Variants in CSMD1 observed in about 807,000 individuals in gnomAD.
The protein encoded by CSMD1 is CUB and Sushi multiple domains 1, also known as CUB and sushi domain-containing protein 1.
CSMD1 carries 213 observed loss-of-function variants against 417.5 expected under a neutral mutation model. The observed-to-expected ratio is 0.51, with a 90% confidence interval of 0.46 to 0.57. The LOEUF is 0.57. Ranked by LOEUF, CSMD1 falls within the 20% of genes least tolerant of loss-of-function variation. The pLI is 0.00. For synonymous variants in CSMD1, 2,862 were observed against 1,736.8 expected (o/e 1.65, Z -16.11); for missense variants, 6,923 against 4,529.7 (o/e 1.53, Z -15.17).
intron 1 of CSMD1, among the ~76,000 whole-genome samples, chr8:4,719,705 G>A (rs566513888): frequency 4.1e-4 from 63 of 152,170 alleles, no homozygotes; most frequent in Non-Finnish European, 7.8e-4. Flanking sequence ...ATGTATTTCA[G>A]TAAAAGCTAC....
At chr8:4,732,004 G>C (rs374719747) in intron 1 of CSMD1, among the ~76,000 whole-genome samples, 2 of 152,214 alleles carry the variant, frequency 1.3e-5, no homozygotes, top group African/African-American at 2.4e-5. Context: ...GAGAAAAAAC[G>C]AGAAGACTGA....
chr8:4,189,439 T>C (rs1798884504), intron 3 of CSMD1, among the ~76,000 whole-genome samples: 1 of 152,166 alleles, frequency 6.6e-6, no homozygotes, highest in Non-Finnish European at 1.5e-5. Flanking sequence ...AAAACAGTAG[T>C]CCAGCAAAGT....
chr8:4,458,042 T>C (rs1799593030), intron 2 of CSMD1, among the ~76,000 whole-genome samples: 1 of 152,102 alleles, frequency 6.6e-6, no homozygotes, highest in Non-Finnish European at 1.5e-5. Flanking sequence ...TTCTTTAAAA[T>C]TCCTTTTACC....
At chr8:3,354,532 C>T (rs929101910) in intron 21 of CSMD1, among the ~76,000 whole-genome samples, 22 of 152,030 alleles carry the variant, frequency 1.4e-4, no homozygotes, top group African/African-American at 5.3e-4. Context: ...AAATCTTGCC[C>T]GTAATAGAAG....
intron 57 of CSMD1, 29 bp downstream of exon 57, chr8:2,973,088 G>C (rs1804602145): frequency 6.2e-7 from 1 of 1,601,626 alleles, no homozygotes; most frequent in Non-Finnish European, 8.5e-7. Context: ...TAACTTTCAA[G>C]GTGGACCTTA....
intron 5 of CSMD1, among the ~76,000 whole-genome samples, chr8:3,995,512 T>C (rs1270868922): frequency 6.6e-6 from 1 of 152,172 alleles, no homozygotes; most frequent in African/African-American, 2.4e-5. Flanking sequence ...GACAGGGCAT[T>C]GAAGCTCAGA....
At chr8:4,803,334 C>T (rs1376561068) in intron 1 of CSMD1, among the ~76,000 whole-genome samples, 3 of 152,108 alleles carry the variant, frequency 2.0e-5, no homozygotes, top group Non-Finnish European at 4.4e-5. Context: ...GGAAATAAGC[C>T]TTCGAAATAT....
At chr8:4,808,113 C>G (rs1281472560) in intron 1 of CSMD1, among the ~76,000 whole-genome samples, 1 of 152,142 alleles carries the variant, frequency 6.6e-6, no homozygotes, top group African/African-American at 2.4e-5. Context: ...ATTATGTTTC[C>G]TGGGTGCTAC....
intron 4 of CSMD1, among the ~76,000 whole-genome samples, chr8:4,013,820 T>C (rs1321353667): frequency 6.6e-6 from 1 of 152,186 alleles, no homozygotes; most frequent in Non-Finnish European, 1.5e-5. Context: ...GTTTAGGTGG[T>C]GTCTATGGGG....
chr8:4,031,876 T>A, intron 4 of CSMD1, 29 bp downstream of exon 4: 1 of 1,568,090 alleles, frequency 6.4e-7, no homozygotes, highest in Non-Finnish European at 8.7e-7. Context: ...CCCTGGAGTC[T>A]GCTCACCAGC....
At chr8:3,145,668 T>G (rs1295287380) in intron 40 of CSMD1, among the ~76,000 whole-genome samples, 1 of 152,232 alleles carries the variant, frequency 6.6e-6, no homozygotes, top group Non-Finnish European at 1.5e-5. Flanking sequence ...TAGAATTATC[T>G]AGCTATCTAA....
chr8:4,801,872 C>G (rs1467088655), intron 1 of CSMD1, among the ~76,000 whole-genome samples: 1 of 152,120 alleles, frequency 6.6e-6, no homozygotes, highest in Non-Finnish European at 1.5e-5. Context: ...ACTTGGCAAG[C>G]CCAATGTATT....
intron 1 of CSMD1, among the ~76,000 whole-genome samples, chr8:4,671,476 G>A (rs1391310147): frequency 6.6e-6 from 1 of 152,168 alleles, no homozygotes; most frequent in African/African-American, 2.4e-5. Flanking sequence ...CGACAGAAAA[G>A]CCACTGTTCT....
intron 12 of CSMD1, among the ~76,000 whole-genome samples, chr8:3,452,701 C>T (rs970247528): frequency 2.0e-5 from 3 of 152,138 alleles, no homozygotes; most frequent in African/African-American, 4.8e-5. Context: ...TTTTGATGTG[C>T]TTCTTGATTT....
chr8:4,875,275 A>T (rs1435833205), intron 1 of CSMD1, among the ~76,000 whole-genome samples: 1 of 152,064 alleles, frequency 6.6e-6, no homozygotes, highest in African/African-American at 2.4e-5. Context: ...CTCTGGTAAT[A>T]TACAAGCTCA....
At chr8:4,690,467 G>A (rs1011895204) in intron 1 of CSMD1, among the ~76,000 whole-genome samples, 8 of 152,100 alleles carry the variant, frequency 5.3e-5, no homozygotes, top group African/African-American at 2.4e-5. Flanking sequence ...ATCAAAATTT[G>A]TATTTTAAAA....
intron 12 of CSMD1, among the ~76,000 whole-genome samples, chr8:3,452,161 G>A (rs944494643): frequency 6.6e-6 from 1 of 152,212 alleles, no homozygotes; most frequent in Admixed American, 6.5e-5. Context: ...TTTGCACACT[G>A]ATTTTGTATC....
intron 3 of CSMD1, among the ~76,000 whole-genome samples, chr8:4,346,267 T>C (rs919375294): frequency 6.6e-6 from 1 of 152,172 alleles, no homozygotes; most frequent in African/African-American, 2.4e-5. Flanking sequence ...AGAATAATAA[T>C]ATTTCATAGC....
At chr8:4,402,815 T>C (rs1804736374) in intron 3 of CSMD1, among the ~76,000 whole-genome samples, 9 of 60,276 alleles carry the variant, frequency 1.5e-4, no homozygotes, top group Non-Finnish European at 2.6e-4. Flanking sequence ...TTTTTTTTTT[T>C]TTTTTCTTTT....
Sources: allele counts gnomAD v4.1 joint callset (sites outside exome capture counted in the v4.1 genomes callset), GRCh38; gene constraint gnomAD v4.1.1; transcripts MANE v1.5; gene names NCBI Gene and HGNC (gene_info 2026-07-23, HGNC 2026-07-21).